CAMTA1: variants seen among roughly 807,000 people sequenced by gnomAD.
The protein encoded by CAMTA1 is calmodulin binding transcription activator 1, also known as calmodulin-binding transcription activator 1.
CAMTA1 carries 27 observed loss-of-function variants against 170.9 expected under a neutral mutation model. The observed-to-expected ratio is 0.16, with a 90% confidence interval of 0.12 to 0.22. The LOEUF (loss-of-function observed/expected upper bound fraction) is 0.22, where lower values mean the gene tolerates loss of function less well. Ranked by LOEUF, CAMTA1 falls within the 10% of genes least tolerant of loss-of-function variation. The pLI is 1.00. For synonymous variants in CAMTA1, 833 were observed against 891.5 expected (o/e 0.93, Z 1.17); for missense variants, 1,619 against 2,217.2 (o/e 0.73, Z 5.42).
At chr1:6,987,315 A>G (rs1695526646) in intron 3 of CAMTA1, among the ~76,000 whole-genome samples, 1 of 152,162 alleles carries the variant, frequency 6.6e-6, no homozygotes, top group African/African-American at 2.4e-5. Context: ...GGCATGTGCC[A>G]CCATGCCCGG....
rs531139368 is a variant in CAMTA1 at position 7,213,854 on chromosome 1, C to T, written c.303-35637C>T. Among the ~76,000 whole-genome samples the T allele has an allele frequency of 2.4e-4, 37 of 151,870 alleles. No individual in the cohort carries two copies. The South Asian group carries it at 7.1e-3, about 29-fold the overall frequency. ...ATTCCCACCTATGAGTGAGAACATG[C>T]GGTGGTTGTTTTTTTGTCCTTGCGA... On this transcript the variant is annotated intron_variant, in intron 4 of 22. Transcript: ENST00000303635.
rs758217529 is a variant in CAMTA1, at chr1:7,424,106, G to A, written c.439-43724G>A. 3.9e-5 allele frequency among the ~76,000 whole-genome samples: 6 copies of A among 152,164 alleles called. No homozygotes were observed. The South Asian group carries it at 6.2e-4, about 16-fold the overall frequency. On this transcript the variant is annotated intron_variant, in intron 5 of 22. Transcript: ENST00000303635. ...CCACGTCAGCCTTCCTCTCACCACC[G>A]TCCCCACGTGGGCTCTGTGCTTGTG... is the stretch of plus-strand genomic sequence containing the variant.
At chr1:7,172,201 G>A (rs752109864) in intron 4 of CAMTA1, among the ~76,000 whole-genome samples, 18 of 152,078 alleles carry the variant, frequency 1.2e-4, no homozygotes, top group Middle Eastern at 3.2e-3. Context: ...CCAGGCTGGA[G>A]TGCAGTGGCG....
In CAMTA1 at chr1:7,092,296, G is replaced by A. The variant is rs1641590498; in HGVS notation, c.302+925G>A. Reference sequence around the variant, plus strand: ...TGTTAGGACCAGGGAAGGGTTGAGTGTGTCCTCTGTGCCCGTGGCCCATCA... The same window carrying A: ...TGTTAGGACCAGGGAAGGGTTGAGTATGTCCTCTGTGCCCGTGGCCCATCA... On this transcript the variant is annotated intron_variant, in intron 4 of 22. Transcript: ENST00000303635. The surrounding 1 kb of genome is among the most constrained non-coding windows in gnomAD (Gnocchi z 5.0). Among the ~76,000 whole-genome samples, 1 of 152,204 alleles carries A rather than the reference G, an allele frequency of 6.6e-6. No homozygotes were observed. Among genetic ancestry groups the A allele is most frequent in the Admixed American group, 6.5e-5 (1 of 15,284 alleles).
At chr1:7,460,375 G>C (rs1319752479) in intron 5 of CAMTA1, among the ~76,000 whole-genome samples, 6 of 152,270 alleles carry the variant, frequency 3.9e-5, no homozygotes, top group African/African-American at 1.2e-4. Context: ...TTAGCAACAG[G>C]GCTCTTTGAT....
chr1:7,496,242 T>C (rs530635639), intron 6 of CAMTA1, among the ~76,000 whole-genome samples: 215 of 152,304 alleles, frequency 1.4e-3, no homozygotes, highest in African/African-American at 4.7e-3. Flanking sequence ...GAGGAGGTGC[T>C]GGAGAGGGAA....
At chr1:7,745,738 G>T in intron 17 of CAMTA1, 107 bp from the exon 18 acceptor site, 1 of 1,362,408 alleles carries the variant, frequency 7.3e-7, no homozygotes, top group Non-Finnish European at 1.0e-6. Flanking sequence ...GTTCCTAATT[G>T]CCCACAGTGG....
At chr1:7,246,695 C>CTTTTTT (rs1665862154) in intron 4 of CAMTA1, among the ~76,000 whole-genome samples, 1 of 114,008 alleles carries the variant, frequency 8.8e-6, no homozygotes, top group Non-Finnish European at 1.7e-5. Context: ...TTTTTTTTGA[C>CTTTTTT]ATGCTTTGTG....
intron 4 of CAMTA1, among the ~76,000 whole-genome samples, chr1:7,219,965 G>A (rs1238074923): frequency 6.6e-6 from 1 of 152,222 alleles, no homozygotes; most frequent in Non-Finnish European, 1.5e-5. Flanking sequence ...GGCCAGGAAG[G>A]GAGCCCTCAC....
At chr1:7,527,759 A>G (rs1375941301) in intron 6 of CAMTA1, among the ~76,000 whole-genome samples, 1 of 152,170 alleles carries the variant, frequency 6.6e-6, no homozygotes, top group Non-Finnish European at 1.5e-5. Flanking sequence ...GCCCCCAACC[A>G]GCTAAGGGGA....
In CAMTA1 at chr1:7,633,402, AC is replaced by A. The variant is rs945578696; in HGVS notation, c.511-6991del. Among the ~76,000 whole-genome samples the A allele has an allele frequency of 4.0e-5, 6 of 150,324 alleles. No homozygotes were observed. Among genetic ancestry groups the A allele is most frequent in the African/African-American group, 4.9e-5 (2 of 40,698 alleles). On this transcript the variant is annotated intron_variant, in intron 6 of 22. Coordinates refer to ENST00000303635, the MANE Select transcript of CAMTA1 (RefSeq NM_015215.4). This position sits in a 1 kb window ranked among gnomAD's most constrained non-coding sequence, Gnocchi z 4.1. The stretch of plus-strand genomic sequence containing the variant: ...CTGCAGAGGGGCAGAGAGCTCGTGG[AC>A]CCCCCCAGATGCCACCCCTCCTGGG...
chr1:7,573,368 C>G (rs1474662350), intron 6 of CAMTA1, among the ~76,000 whole-genome samples: 1 of 152,220 alleles, frequency 6.6e-6, no homozygotes, highest in Admixed American at 6.5e-5. Flanking sequence ...GCTGGTCAGC[C>G]TGAGGTTTGC....
chr1:6,952,430 CAAAAAAAAGAA>C (rs1688662455), intron 3 of CAMTA1, among the ~76,000 whole-genome samples: 1 of 13,120 alleles, frequency 7.6e-5, no homozygotes, highest in African/African-American at 2.6e-4. Flanking sequence ...GACTCTGTCT[CAAAAAAAAGAA>C]AAAAAAAAAA....
intron 4 of CAMTA1, among the ~76,000 whole-genome samples, chr1:7,186,994 A>G (rs1653446056): frequency 6.6e-6 from 1 of 151,890 alleles, no homozygotes; most frequent in Non-Finnish European, 1.5e-5. Flanking sequence ...GGTAATTCAG[A>G]GTCTCCCTGG....
chr1:6,905,705 C>T (rs753756408), intron 3 of CAMTA1, among the ~76,000 whole-genome samples: 46 of 152,172 alleles, frequency 3.0e-4, no homozygotes, highest in Non-Finnish European at 6.6e-4. Flanking sequence ...CCCTGCTTTG[C>T]GTTTGCATTG....
At chr1:7,389,115 A>G (rs780703456) in intron 5 of CAMTA1, among the ~76,000 whole-genome samples, 13 of 152,126 alleles carry the variant, frequency 8.5e-5, no homozygotes, top group Non-Finnish European at 1.8e-4. Context: ...TGTCAGAGTC[A>G]CTCTGCAGCA....
chr1:6,905,757 CATACTT>C (rs1017928819), intron 3 of CAMTA1, among the ~76,000 whole-genome samples: 2 of 152,218 alleles, frequency 1.3e-5, no homozygotes, highest in Non-Finnish European at 2.9e-5. Flanking sequence ...TATCTGTCCT[CATACTT>C]AGAGCTCTTT....
intron 4 of CAMTA1, among the ~76,000 whole-genome samples, chr1:7,184,021 C>T (rs1413529703): frequency 3.3e-5 from 5 of 152,056 alleles, no homozygotes; most frequent in Admixed American, 1.3e-4. Flanking sequence ...AAACATGGTA[C>T]ATCTACACAA....
intron 6 of CAMTA1, among the ~76,000 whole-genome samples, chr1:7,504,994 C>A (rs1451158615): frequency 6.7e-6 from 1 of 149,830 alleles, no homozygotes; most frequent in African/African-American, 2.5e-5. Flanking sequence ...TTCAGTGTAG[C>A]GCACAGCCTC....
Sources: gnomAD v4.1 joint callset for allele counts (sites outside exome capture counted in the v4.1 genomes callset) on GRCh38, gnomAD v4.1.1 for gene constraint, Gnocchi (gnomAD v3.1) non-coding constraint, MANE v1.5 for transcripts, NCBI Gene and HGNC (gene_info 2026-07-23, HGNC 2026-07-21) for gene names.